The following ARHGAP36 variants were observed in gnomAD, a reference collection of about 807,000 sequenced individuals.
ARHGAP36 encodes the protein rho GTPase-activating protein 36.
In ARHGAP36, 7 loss-of-function variants were observed where a neutral mutation model predicts 32.9. The observed-to-expected ratio is 0.21, with a 90% CI of 0.12 to 0.40. The LOEUF is 0.40. Among genes scored for constraint, ARHGAP36 ranks in the 10% least tolerant of loss-of-function variants. The probability of loss-of-function intolerance (pLI) is 1.00; values close to 1 mark genes in which losing one functional copy is unlikely to be tolerated. For missense variants in ARHGAP36, 383 were observed against 442.2 expected (o/e 0.87, Z 1.20); for synonymous variants, 165 against 168.3 (o/e 0.98, Z 0.15).
At chrX:131,074,371 G>A (rs1251034980) in intron 1 of ARHGAP36, among the ~76,000 whole-genome samples, 1 of 109,868 alleles carries the variant, frequency 9.1e-6, no homozygotes, top group African/African-American at 3.3e-5. Context: ...GAGAGAGAGA[G>A]AGAGGGAAAA....
At chrX:131,077,585 T>A (rs1281710431) in intron 1 of ARHGAP36, among the ~76,000 whole-genome samples, 1 of 110,219 alleles carries the variant, frequency 9.1e-6, no homozygotes, top group African/African-American at 3.4e-5. Context: ...CGTTAATTTG[T>A]TTCTCCATCT....
At chrX:131,065,931 C>T (rs1427223833) in intron 1 of ARHGAP36, among the ~76,000 whole-genome samples, 1 of 112,142 alleles carries the variant, frequency 8.9e-6, no homozygotes, top group Non-Finnish European at 1.9e-5. Flanking sequence ...TCTCTATCCA[C>T]CCCCTGACCT....
chrX:131,060,768 T>A (rs1171814888), intron 1 of ARHGAP36, among the ~76,000 whole-genome samples: 1 of 112,287 alleles, frequency 8.9e-6, no homozygotes, highest in East Asian at 2.8e-4. Context: ...GTGAAGCTCT[T>A]CCCAAATGTT....
rs750411009 is a variant in ARHGAP36 at position 131,084,602 on chromosome X, G to A, written c.749-24G>A. 46 of 1,208,326 alleles carry A rather than the reference G, an allele frequency of 3.8e-5. No homozygotes were observed. The South Asian group carries it at 7.9e-4, about 21-fold the overall frequency. ...TGGGAAAGGGATTCAGAGATGCTTAGCATCCCCTGGTCTTTTCTTTCAGGC... is the reference window on the plus strand; with the variant it reads ...TGGGAAAGGGATTCAGAGATGCTTAACATCCCCTGGTCTTTTCTTTCAGGC... On this transcript the variant is annotated intron_variant, in intron 5 of 11. Coordinates refer to ENST00000276211, the MANE Select transcript of ARHGAP36 (RefSeq NM_144967.4).
intron 1 of ARHGAP36, among the ~76,000 whole-genome samples, chrX:131,067,837 C>T (rs1367647878): frequency 8.9e-6 from 1 of 111,965 alleles, no homozygotes; most frequent in Non-Finnish European, 1.9e-5. Context: ...AAATCTTGCA[C>T]ACGCACACAT....
intron 1 of ARHGAP36, among the ~76,000 whole-genome samples, chrX:131,075,236 A>T (rs1345298530): frequency 8.9e-6 from 1 of 112,006 alleles, no homozygotes; most frequent in Non-Finnish European, 1.9e-5. Context: ...TTATCTTCAC[A>T]GCCACACTTA....
chrX:131,073,989 C>A (rs997309242), intron 1 of ARHGAP36, among the ~76,000 whole-genome samples: 2 of 111,042 alleles, frequency 1.8e-5, no homozygotes, highest in African/African-American at 3.3e-5. Context: ...GCCACTCAGA[C>A]AGGATTTTGA....
At position 131,069,127 on chromosome X, in the gene ARHGAP36, G is replaced by C. The variant is rs775775256; in HGVS notation, c.-143+10683G>C. On this transcript the variant is annotated intron_variant, in intron 1 of 11. Transcript: ENST00000276211. ...GTGCTTTGCACTTCTGGTTCTGGCC[G>C]CACAGCCCCTGTGAGAATCTCTGAG... is the stretch of plus-strand genomic sequence containing the variant. 4.6e-3 allele frequency among the ~76,000 whole-genome samples: 519 copies of C among 111,990 alleles called. 3 individuals are homozygous for C. The highest frequency in any genetic ancestry group is 0.016 in the African/African-American group (489 of 30,809).
At chrX:131,083,056 C>G in intron 2 of ARHGAP36, 109 bp from the exon 3 acceptor site, 1 of 771,341 alleles carries the variant, frequency 1.3e-6, no homozygotes, top group African/African-American at 2.1e-5. Context: ...GGGCAGAGCT[C>G]GCCTCTCTGC....
chrX:131,083,703 G>C, intron 3 of ARHGAP36, 31 bp from the exon 4 acceptor site: 1 of 1,187,856 alleles, frequency 8.4e-7, no homozygotes, highest in Non-Finnish European at 1.1e-6. Flanking sequence ...AGGCTTTGAC[G>C]TTTCTCATTC....
At chrX:131,080,947 G>C (rs945389139) in intron 1 of ARHGAP36, among the ~76,000 whole-genome samples, 7 of 111,567 alleles carry the variant, frequency 6.3e-5, no homozygotes, top group African/African-American at 2.3e-4. Context: ...TTTTGTATTT[G>C]TTGTTAAAAA....
At position 131,088,720 on chromosome X, in the gene ARHGAP36, C is replaced by G; in HGVS notation, c.1579C>G (p.Arg527Gly). ...AGNPPIPEQDRPLLRVPREKE... is the reference protein window; with the variant it reads ...AGNPPIPEQDGPLLRVPREKE... ...TAACCCTCCCATTCCGGAGCAAGACCGCCCATTGCTCCGTGTGCCCCGGGA... is the reference window on the plus strand; with the variant it reads ...TAACCCTCCCATTCCGGAGCAAGACGGCCCATTGCTCCGTGTGCCCCGGGA... Residue 527 changes from arginine to glycine, a missense_variant, in exon 12 of 12, where the codon CGC becomes GGC. By Grantham distance (125) the Arg-to-Gly change is moderately radical. Transcript: ENST00000276211. 2.5e-6 allele frequency: 3 copies of G among 1,211,620 alleles called. No individual in the cohort carries two copies. The highest frequency in any genetic ancestry group is 5.9e-5 in the East Asian group (2 of 33,828).
chrX:131,063,145 G>A lies in ARHGAP36; in HGVS notation c.-143+4701G>A, dbSNP rs752053760. On this transcript the variant is annotated intron_variant, in intron 1 of 11. Transcript: ENST00000276211. ...ATGTGGCTCTGAGTCACTAAGAAAC[G>A]ATTTCTGTTTCCTTCGGCAGTATCA... 1.9e-3 allele frequency among the ~76,000 whole-genome samples: 218 copies of A among 111,853 alleles called. 2 individuals are homozygous for A. The highest frequency in any genetic ancestry group is 2.7e-3 in the Non-Finnish European group (141 of 53,196).
chrX:131,085,519 C>T, intron 7 of ARHGAP36, 69 bp from the exon 8 acceptor site: 1 of 1,125,528 alleles, frequency 8.9e-7, no homozygotes, highest in Non-Finnish European at 1.2e-6. Context: ...AGCAGAATCT[C>T]ACCTCCCTTG....
intron 1 of ARHGAP36, among the ~76,000 whole-genome samples, chrX:131,065,648 G>A (rs2079694276): frequency 9.0e-6 from 1 of 111,299 alleles, no homozygotes; most frequent in Non-Finnish European, 1.9e-5. Context: ...GCCTGAGTAA[G>A]ACTGACGTAT....
intron 1 of ARHGAP36, among the ~76,000 whole-genome samples, chrX:131,074,309 A>C (rs1349712451): frequency 9.7e-6 from 1 of 103,586 alleles, no homozygotes; most frequent in Non-Finnish European, 2.0e-5. Context: ...TAGTGAGTAC[A>C]TCGAAGAAGG....
intron 7 of ARHGAP36, 129 bp downstream of exon 7, chrX:131,085,193 A>T: frequency 1.6e-6 from 1 of 620,221 alleles, no homozygotes; most frequent in Non-Finnish European, 2.3e-6. Context: ...GAAGATTTTA[A>T]AAACCTCTCC....
At chrX:131,059,315 A>C (rs1603391951) in intron 1 of ARHGAP36, among the ~76,000 whole-genome samples, 8 of 89,867 alleles carry the variant, frequency 8.9e-5, no homozygotes, top group East Asian at 3.3e-4. Context: ...ACTGTCCTTC[A>C]CTCCCCCTTG....
intron 7 of ARHGAP36, 99 bp from the exon 8 acceptor site, chrX:131,085,489 A>G (rs2079829915): frequency 4.8e-6 from 5 of 1,036,701 alleles, no homozygotes; most frequent in Non-Finnish European, 3.9e-6. Context: ...TACTTTCTCC[A>G]TAACTGCCAG....
Sources: allele counts gnomAD v4.1 joint callset (sites outside exome capture counted in the v4.1 genomes callset), GRCh38; gene constraint gnomAD v4.1.1; transcripts MANE v1.5; gene names NCBI Gene and HGNC (gene_info 2026-07-23, HGNC 2026-07-21).